NUP37: variants seen among roughly 807,000 people sequenced by gnomAD.
The protein encoded by NUP37 is nucleoporin 37, also known as nucleoporin Nup37.
NUP37 carries 33 observed loss-of-function variants against 45.4 expected under a neutral mutation model. The ratio of observed to expected loss-of-function variants is 0.73; its 90% CI spans 0.55 to 0.97. The LOEUF (loss-of-function observed/expected upper bound fraction) is 0.97, where lower values mean the gene tolerates loss of function less well. Among genes scored for constraint, NUP37 ranks in the 50% least tolerant of loss-of-function variants. The pLI is 0.00. For synonymous variants in NUP37, 127 were observed against 130.7 expected (o/e 0.97, Z 0.19); for missense variants, 365 against 389.7 (o/e 0.94, Z 0.53).
intron 3 of NUP37, 57 bp downstream of exon 3, chr12:102,112,051 C>T (rs1008056675): frequency 9.9e-6 from 15 of 1,511,532 alleles, no homozygotes; most frequent in Non-Finnish European, 1.4e-5. Flanking sequence ...GACTTCCAAT[C>T]ATGTAACACA....
At chr12:102,078,584 C>G (rs190745722) in intron 6 of NUP37, among the ~76,000 whole-genome samples, 17 of 152,276 alleles carry the variant, frequency 1.1e-4, no homozygotes, top group Admixed American at 1.1e-3. Flanking sequence ...ACAGACACGC[C>G]GCTTCCTTCA....
At chr12:102,082,982 C>A (rs1879369681) in intron 6 of NUP37, among the ~76,000 whole-genome samples, 1 of 151,960 alleles carries the variant, frequency 6.6e-6, no homozygotes, top group South Asian at 2.1e-4. Context: ...TGATTTAGAA[C>A]AGGGACTTTC....
intron 5 of NUP37, among the ~76,000 whole-genome samples, chr12:102,087,779 T>C (rs1015750427): frequency 6.6e-6 from 1 of 152,228 alleles, no homozygotes; most frequent in East Asian, 1.9e-4. Context: ...TGTTGGCTAT[T>C]ATATAAATTG....
chr12:102,085,553 T>C (rs1879444582), intron 6 of NUP37, among the ~76,000 whole-genome samples: 1 of 152,200 alleles, frequency 6.6e-6, no homozygotes, highest in Admixed American at 6.5e-5. Context: ...TTTGAATAAA[T>C]GCCATTTATG....
At position 102,099,123 on chromosome 12, in the gene NUP37, A is replaced by C. The variant is rs775212162; in HGVS notation, c.432T>G (p.Ser144Arg). The part of the protein sequence containing the change: ...PKEGQEIASV[S>R]DDHTCRIWNL... ...CAACATACCTGCAGGTGTGATCGTC[A>C]CTCACACTTGCAATTTCTTGGCCTT... The change falls in exon 5 of 10, where the codon AGT (serine) becomes AGG (arginine). Residue 144 changes from serine (S) to arginine (R), a missense_variant. Physicochemically the swap from Ser to Arg is moderately radical, Grantham distance 110 (BLOSUM62 -1). Transcript: ENST00000552283. 6.2e-7 allele frequency: 1 copy of C among 1,607,986 alleles called. No homozygotes were observed. The highest frequency in any genetic ancestry group is 8.5e-7 in the Non-Finnish European group (1 of 1,174,478).
At chr12:102,101,508 T>C (rs371796204) in intron 3 of NUP37, among the ~76,000 whole-genome samples, 27 of 152,284 alleles carry the variant, frequency 1.8e-4, no homozygotes, top group African/African-American at 5.3e-4. Context: ...ACATCTACCT[T>C]AGTCTTTGCC....
At chr12:102,089,762 G>A (rs909594393) in intron 5 of NUP37, among the ~76,000 whole-genome samples, 17 of 151,796 alleles carry the variant, frequency 1.1e-4, no homozygotes, top group East Asian at 3.9e-4. Context: ...GGAGGTGGCC[G>A]GGCAGAGGCG....
Position 102,108,656 on chromosome 12 carries a change from G to T in NUP37, c.281+3452C>A, listed in dbSNP as rs555592449. Among the ~76,000 whole-genome samples, 3 of 152,184 alleles carry T rather than the reference G, an allele frequency of 2.0e-5. No homozygotes were observed. In the South Asian group the frequency reaches 6.2e-4, roughly 32 times the overall value. The stretch of plus-strand genomic sequence containing the variant: ...GTTATATTTTATACATGCAAATAAA[G>T]GGTAAGAAAAACTGTAAAACAAAGC... On this transcript the variant is annotated intron_variant, in intron 3 of 9. Transcript: ENST00000552283.
At chr12:102,110,148 C>T (rs1038050066) in intron 3 of NUP37, among the ~76,000 whole-genome samples, 50 of 152,080 alleles carry the variant, frequency 3.3e-4, no homozygotes, top group Admixed American at 3.2e-3. Flanking sequence ...ACCAAAAAAG[C>T]GTCAGCATTA....
intron 1 of NUP37, chr12:102,119,127 A>G (rs1312232442): frequency 6.6e-6 from 1 of 152,308 alleles, no homozygotes; most frequent in African/African-American, 2.4e-5. Flanking sequence ...AGAAAAAAAC[A>G]GCCTCCTGGC....
chr12:102,087,109 C>T (rs535641639), intron 5 of NUP37, among the ~76,000 whole-genome samples: 1 of 152,124 alleles, frequency 6.6e-6, no homozygotes, highest in Admixed American at 6.5e-5. Flanking sequence ...ACAACAACAA[C>T]AAAAACCAAC....
chr12:102,088,291 T>C (rs767283688), intron 5 of NUP37, among the ~76,000 whole-genome samples: 1 of 152,202 alleles, frequency 6.6e-6, no homozygotes, highest in African/African-American at 2.4e-5. Context: ...GTCTTTACTA[T>C]ATAGCTCATC....
intron 3 of NUP37, among the ~76,000 whole-genome samples, chr12:102,110,759 G>A (rs925887184): frequency 1.3e-5 from 2 of 152,004 alleles, no homozygotes; most frequent in Admixed American, 6.6e-5. Context: ...GTGGGAAGAC[G>A]GCTTGAGCCT....
Position 102,098,029 on chromosome 12 carries a change from A to G in NUP37, c.449+1077T>C, listed in dbSNP as rs778514395. Among the ~76,000 whole-genome samples, 6 of 152,246 alleles carry G rather than the reference A, an allele frequency of 3.9e-5. No individual in the cohort carries two copies. The South Asian group carries it at 8.3e-4, about 21-fold the overall frequency. On this transcript the variant is annotated intron_variant, in intron 5 of 9. Transcript: ENST00000552283. ...ACATATTTCATAGTTTTATATGTAC[A>G]TAAGTACTAATAAATACTAAGGATT...
At chr12:102,109,929 A>T (rs1594399830) in intron 3 of NUP37, among the ~76,000 whole-genome samples, 1 of 152,240 alleles carries the variant, frequency 6.6e-6, no homozygotes, top group South Asian at 2.1e-4. Context: ...GTTTAGGTCT[A>T]GATATTGTGA....
At chr12:102,080,815 C>G (rs1879311447) in intron 6 of NUP37, among the ~76,000 whole-genome samples, 1 of 152,024 alleles carries the variant, frequency 6.6e-6, no homozygotes, top group Non-Finnish European at 1.5e-5. Context: ...GGGGAAGGAT[C>G]AGAAAAGGTA....
At chr12:102,080,624 T>A (rs902810359) in intron 6 of NUP37, among the ~76,000 whole-genome samples, 2 of 152,192 alleles carry the variant, frequency 1.3e-5, no homozygotes, top group African/African-American at 4.8e-5. Context: ...GTTAATCCCA[T>A]TTTTCAGATG....
chr12:102,091,717 G>A (rs1879662221), intron 5 of NUP37, among the ~76,000 whole-genome samples: 1 of 152,060 alleles, frequency 6.6e-6, no homozygotes. Flanking sequence ...CTCCTCAAGT[G>A]AAATAAAATG....
intron 3 of NUP37, among the ~76,000 whole-genome samples, chr12:102,111,169 A>G (rs1880305435): frequency 6.6e-6 from 1 of 152,222 alleles, no homozygotes; most frequent in African/African-American, 2.4e-5. Context: ...AAAATTGCAA[A>G]AACAAGCCAG....
Sources: gnomAD v4.1 joint callset for allele counts (sites outside exome capture counted in the v4.1 genomes callset) on GRCh38, gnomAD v4.1.1 for gene constraint, MANE v1.5 for transcripts, NCBI Gene and HGNC (gene_info 2026-07-23, HGNC 2026-07-21) for gene names.